The following RAP1GAP2 variants were observed in gnomAD, a reference collection of about 807,000 sequenced individuals.
RAP1GAP2 encodes the protein rap1 GTPase-activating protein 2.
Under a neutral mutation model 95.0 loss-of-function variants are expected in RAP1GAP2, and 27 were observed. That is an observed-to-expected ratio of 0.28 (90% CI 0.21 to 0.39). RAP1GAP2 has a LOEUF of 0.39. RAP1GAP2 is among the 10% of genes least tolerant of loss of function. The pLI is 1.00. For missense variants in RAP1GAP2, 771 were observed against 970.0 expected, an observed-to-expected ratio of 0.79 and a Z score of 2.72; for synonymous variants, 373 against 380.9, an observed-to-expected ratio of 0.98 and a Z score of 0.24.
intron 11 of RAP1GAP2, among the ~76,000 whole-genome samples, chr17:2,985,485 C>T (rs1207973519): frequency 6.6e-6 from 1 of 152,242 alleles, no homozygotes. Context: ...CAGCTGGGTG[C>T]GTCTCTTCAC....
At chr17:3,010,775 C>G (rs925854277) in intron 17 of RAP1GAP2, among the ~76,000 whole-genome samples, 1 of 152,192 alleles carries the variant, frequency 6.6e-6, no homozygotes, top group Non-Finnish European at 1.5e-5. Context: ...TACTAAAACC[C>G]TGCAACTGTA....
intron 8 of RAP1GAP2, among the ~76,000 whole-genome samples, chr17:2,974,157 C>T (rs1467375976): frequency 6.8e-5 from 10 of 146,718 alleles, no homozygotes; most frequent in East Asian, 2.0e-4. Flanking sequence ...CTGGCTAATA[C>T]GGTGAAACCC....
intron 1 of RAP1GAP2, among the ~76,000 whole-genome samples, chr17:2,763,742 C>T (rs533441907): frequency 1.3e-5 from 2 of 149,738 alleles, no homozygotes; most frequent in South Asian, 2.2e-4. Context: ...TCATTCACAG[C>T]CTCTGGGAGA....
At chr17:2,766,682 T>A (rs1182951270) in intron 1 of RAP1GAP2, among the ~76,000 whole-genome samples, 1 of 151,966 alleles carries the variant, frequency 6.6e-6, no homozygotes, top group Non-Finnish European at 1.5e-5. Context: ...AGATGCTCTG[T>A]GTCCCTGCCA....
intron 17 of RAP1GAP2, among the ~76,000 whole-genome samples, chr17:3,015,392 T>G (rs1017365787): frequency 6.6e-6 from 1 of 152,016 alleles, no homozygotes; most frequent in African/African-American, 2.4e-5. Flanking sequence ...GCAGGCAGGA[T>G]GGGGTTCTTT....
chr17:3,018,790 C>T (rs4790413), intron 18 of RAP1GAP2, among the ~76,000 whole-genome samples: 139,196 of 152,220 alleles, frequency 0.91, 63,864 homozygotes, highest in Non-Finnish European at 0.95. Context: ...TGAGGCCGGG[C>T]GTGGTGGCTC....
intron 8 of RAP1GAP2, among the ~76,000 whole-genome samples, chr17:2,966,914 T>C (rs1345000263): frequency 2.0e-5 from 3 of 152,158 alleles, no homozygotes; most frequent in Non-Finnish European, 4.4e-5. Flanking sequence ...TATCCTCCAT[T>C]AGGACTGGAA....
chr17:2,833,689 CAAAA>C (rs112909808), intron 2 of RAP1GAP2, among the ~76,000 whole-genome samples: 5 of 53,690 alleles, frequency 9.3e-5, no homozygotes, highest in African/African-American at 1.2e-4. Context: ...GACTCCGTCT[CAAAA>C]AAAAAAAAAA....
intron 2 of RAP1GAP2, among the ~76,000 whole-genome samples, chr17:2,877,447 C>G (rs2073139004): frequency 1.3e-5 from 2 of 152,164 alleles, no homozygotes; most frequent in South Asian, 4.1e-4. Flanking sequence ...CTCTGCTCTG[C>G]TCACAAATCT....
At chr17:2,900,852 A>G (rs1330118993) in intron 2 of RAP1GAP2, among the ~76,000 whole-genome samples, 1 of 152,248 alleles carries the variant, frequency 6.6e-6, no homozygotes, top group African/African-American at 2.4e-5. Flanking sequence ...GGTAGCAGGC[A>G]GAGCCAAACT....
At chr17:2,935,158 C>T (rs1213418058) in intron 3 of RAP1GAP2, among the ~76,000 whole-genome samples, 4 of 152,142 alleles carry the variant, frequency 2.6e-5, no homozygotes, top group African/African-American at 9.7e-5. Context: ...TTCTCAGTGA[C>T]AGAGTGGATG....
At chr17:2,941,668 G>GA (rs539351067) in intron 3 of RAP1GAP2, among the ~76,000 whole-genome samples, 1 of 135,940 alleles carries the variant, frequency 7.4e-6, no homozygotes, top group African/African-American at 2.7e-5. Context: ...TGACTCTTGG[G>GA]TTTTTTTTTT....
At chr17:2,761,230 C>T (rs1244047895) in intron 1 of RAP1GAP2, among the ~76,000 whole-genome samples, 4 of 150,824 alleles carry the variant, frequency 2.7e-5, no homozygotes, top group African/African-American at 9.8e-5. Context: ...GCTGGGATTA[C>T]AGGAGTGAGC....
chr17:2,770,077 C>CAAA lies in RAP1GAP2; in HGVS notation c.51-237_51-235dup, dbSNP rs533020473. 6.4e-3 allele frequency among the ~76,000 whole-genome samples: 627 copies of CAAA among 98,108 alleles called. 10 individuals are homozygous for CAAA. The highest frequency in any genetic ancestry group is 0.017 in the African/African-American group (458 of 26,920). The allele number at this position is 98,108 out of a possible 152,430, so 64.4% of individuals were successfully genotyped here. On this transcript the variant is annotated intron_variant, in intron 1 of 25. Transcript: ENST00000637138. ...AACAGAGAGAGACTCGGTCTCAAAA[C>CAAA]AAAAAAAAAAAAAAAAAGAAGAAGA...
chr17:2,921,644 C>T (rs910753767), intron 3 of RAP1GAP2, among the ~76,000 whole-genome samples: 13 of 149,912 alleles, frequency 8.7e-5, no homozygotes, highest in East Asian at 3.9e-4. Flanking sequence ...TCAGCAGGGC[C>T]GTTATGTGTC....
chr17:3,024,274 T>A (rs1279050189), intron 19 of RAP1GAP2, among the ~76,000 whole-genome samples: 1 of 151,976 alleles, frequency 6.6e-6, no homozygotes, highest in Middle Eastern at 3.2e-3. Flanking sequence ...CACAGAGAAG[T>A]CCAGCAAAGT....
intron 3 of RAP1GAP2, among the ~76,000 whole-genome samples, chr17:2,919,593 G>T (rs1000909617): frequency 2.6e-5 from 4 of 152,212 alleles, no homozygotes; most frequent in Admixed American, 2.0e-4. Context: ...CCAGGCGGGG[G>T]AGCAGCTGCC....
chr17:2,858,317 C>T (rs971404945), intron 2 of RAP1GAP2, among the ~76,000 whole-genome samples: 5 of 152,036 alleles, frequency 3.3e-5, no homozygotes, highest in Non-Finnish European at 7.4e-5. Flanking sequence ...GGGGAGAGCT[C>T]GAATCTGATG....
chr17:2,943,299 A>G (rs772350716), intron 3 of RAP1GAP2, among the ~76,000 whole-genome samples: 6 of 152,236 alleles, frequency 3.9e-5, no homozygotes, highest in Admixed American at 1.3e-4. Flanking sequence ...TGCAAACCAT[A>G]TATCAGATAA....
Sources: allele counts gnomAD v4.1 joint callset (sites outside exome capture counted in the v4.1 genomes callset), GRCh38; gene constraint gnomAD v4.1.1; transcripts MANE v1.5; gene names NCBI Gene and HGNC (gene_info 2026-07-23, HGNC 2026-07-21).